TBC1D16: variants seen among roughly 807,000 people sequenced by gnomAD.
TBC1D16 encodes TBC1 domain family member 16, also known as CTD-2529O21.1.
A neutral mutation model predicts 74.7 loss-of-function variants in TBC1D16; 58 were observed. The observed-to-expected ratio is 0.78, with a 90% CI of 0.63 to 0.97. TBC1D16 has a LOEUF of 0.97. TBC1D16 is among the 50% of genes least tolerant of loss of function. The probability of loss-of-function intolerance (pLI) is 0.00; values close to 1 mark genes in which losing one functional copy is unlikely to be tolerated. For missense variants in TBC1D16, 1,014 were observed against 1,079.5 expected (o/e 0.94, Z 0.85); for synonymous variants, 493 against 474.7 (o/e 1.04, Z -0.50).
At chr17:80,021,277 C>T (rs1265818728) in intron 1 of TBC1D16, among the ~76,000 whole-genome samples, 5 of 147,512 alleles carry the variant, frequency 3.4e-5, no homozygotes, top group Admixed American at 2.0e-4. Context: ...ACAAACAAAC[C>T]AGCCTGGGCA....
intron 1 of TBC1D16, among the ~76,000 whole-genome samples, chr17:80,032,095 C>A (rs1464006987): frequency 1.3e-5 from 2 of 152,216 alleles, no homozygotes; most frequent in African/African-American, 4.8e-5. Flanking sequence ...TATATTGGAG[C>A]ATTGAATTCA....
In TBC1D16 at chr17:79,975,139, ACT is replaced by A. The variant is rs2034277963; in HGVS notation, c.780-22323_780-22322del. ...CCGGAACAATCCGCCAGGCCGCGTC[ACT>A]CCTCACCCTCCAGCAGGGCTTTGGA... On this transcript the variant is annotated intron_variant, in intron 3 of 11. Coordinates refer to ENST00000310924, the MANE Select transcript of TBC1D16 (RefSeq NM_019020.4). This position sits in a 1 kb window ranked among gnomAD's most constrained non-coding sequence, Gnocchi z 4.5. Among the ~76,000 whole-genome samples, 1 of 151,832 alleles carries A rather than the reference ACT, an allele frequency of 6.6e-6. No individual in the cohort carries two copies. Among genetic ancestry groups the A allele is most frequent in the African/African-American group, 2.4e-5 (1 of 41,298 alleles).
In TBC1D16 at chr17:79,933,376, G is replaced by A. The variant is rs1037802866; in HGVS notation, c.*7483C>T. 2 of 152,244 alleles carry A rather than the reference G, an allele frequency of 1.3e-5. No homozygotes were observed. The highest frequency in any genetic ancestry group is 1.5e-5 in the Non-Finnish European group (1 of 68,064). 9.4% of individuals were successfully genotyped at this position (152,244 alleles called of 1,614,324 possible). ...CCTGAGTCCCAGCCAAAGCGGCAAA[G>A]CCAGACCTCCCGGGATTCCTTGAGT... On this transcript the variant is annotated 3_prime_UTR_variant, in exon 12 of 12. Coordinates refer to ENST00000310924, the MANE Select transcript of TBC1D16 (RefSeq NM_019020.4).
chr17:80,011,774 C>G (rs950371263), intron 2 of TBC1D16, among the ~76,000 whole-genome samples: 1 of 150,654 alleles, frequency 6.6e-6, no homozygotes, highest in African/African-American at 2.4e-5. Context: ...TGCAGTGAGC[C>G]GAGATTGCAC....
Position 80,027,195 on chromosome 17 carries a change from C to A in TBC1D16, c.-63+8600G>T, listed in dbSNP as rs1028269771. Among the ~76,000 whole-genome samples, 3 of 152,216 alleles carry A rather than the reference C, an allele frequency of 2.0e-5. 1 individual carries two copies. The highest frequency in any genetic ancestry group is 4.1e-4 in the South Asian group (2 of 4,830). The stretch of plus-strand genomic sequence containing the variant: ...AAGCTGAGGAGGCTGGGCACGGTAG[C>A]TCATGTCTGCAATCCTAACAGTTTC... On this transcript the variant is annotated intron_variant, in intron 1 of 11. Transcript: ENST00000310924.
intron 3 of TBC1D16, 35 bp from the exon 4 acceptor site, chr17:79,952,853 T>C (rs2033147268): frequency 6.3e-7 from 1 of 1,577,534 alleles, no homozygotes; most frequent in East Asian, 2.3e-5. Flanking sequence ...TCGCCACACT[T>C]CTCCCTGCCC....
In TBC1D16 at chr17:79,941,106, G is replaced by T; in HGVS notation, c.2057C>A (p.Ala686Glu). The T allele has an allele frequency of 6.4e-7, 1 of 1,569,298 alleles. No homozygotes were observed. The highest frequency in any genetic ancestry group is 8.7e-7 in the Non-Finnish European group (1 of 1,153,458). Residue 686 changes from alanine (A) to glutamate (E), a missense_variant and splice_region_variant, in exon 12 of 12, where the codon GCG (alanine) becomes GAG (glutamate). Physicochemically the swap from Ala to Glu is moderately radical, Grantham distance 107. Transcript: ENST00000310924. This position sits in a 1 kb window ranked among gnomAD's most constrained non-coding sequence, Gnocchi z 4.3. ...GCGGAACTGGTACAGCAAACTCCTC[G>T]CCTGCAGACAGAGGACGGGGGGTGA... ...HMNGELVLRK[A>E]RSLLYQFRLL...
intron 1 of TBC1D16, among the ~76,000 whole-genome samples, chr17:80,024,661 CAT>C (rs2036479606): frequency 6.8e-6 from 1 of 146,270 alleles, no homozygotes; most frequent in South Asian, 2.2e-4. Flanking sequence ...ACATACACAC[CAT>C]AGACACACAG....
At chr17:79,976,179 C>A (rs1255290630) in intron 3 of TBC1D16, among the ~76,000 whole-genome samples, 1 of 152,218 alleles carries the variant, frequency 6.6e-6, no homozygotes. Context: ...AAAGCTTATG[C>A]AAGAGCCCTG....
In TBC1D16 at chr17:80,013,416, G is replaced by A. The variant is rs2144689288; in HGVS notation, c.132C>T (p.Val44=). The A allele has an allele frequency of 1.2e-6, 2 of 1,608,888 alleles. No homozygotes were observed. The highest frequency in any genetic ancestry group is 1.7e-6 in the Non-Finnish European group (2 of 1,178,078). ...DGEIIYSKNN[V]CVHPPEGLQG... ...GCAGCCCCTCCGGCGGGTGCACGCA[G>A]ACATTGTTCTTGGAGTAGATGATCT... is the stretch of plus-strand genomic sequence containing the variant. The change falls in exon 2 of 12, where the codon GTC becomes GTT. Residue 44 remains valine (V), a synonymous_variant. Coordinates refer to ENST00000310924, the MANE Select transcript of TBC1D16 (RefSeq NM_019020.4).
Position 79,936,903 on chromosome 17 carries a change from C to CGTGT in TBC1D16, c.*3955_*3956insACAC, listed in dbSNP as rs1568557115. On this transcript the variant is annotated 3_prime_UTR_variant, in exon 12 of 12. Transcript: ENST00000310924. Reference sequence around the variant, plus strand: ...GTGTGTGTGCATGCGTGCGTGTGTGCATGTGCGTGTGTGTGTGTGTGTGTG... The same window carrying CGTGT: ...GTGTGTGTGCATGCGTGCGTGTGTGCGTGTATGTGCGTGTGTGTGTGTGTGTGTG... 1 of 92,058 alleles carries CGTGT rather than the reference C, an allele frequency of 1.1e-5. No individual in the cohort carries two copies. Among genetic ancestry groups the CGTGT allele is most frequent in the African/African-American group, 4.6e-5 (1 of 21,932 alleles). 5.7% of individuals were successfully genotyped at this position (92,058 alleles called of 1,614,324 possible). A position where few individuals can be genotyped will look rare whatever the true frequency, so the allele number is the denominator to read the frequency against.
chr17:79,974,138 C>G (rs1243633728), intron 3 of TBC1D16, among the ~76,000 whole-genome samples: 1 of 152,226 alleles, frequency 6.6e-6, no homozygotes. Flanking sequence ...ACCCAGACAG[C>G]TGGCGGGATG....
In TBC1D16 at chr17:79,980,181, G is replaced by A. The variant is rs1269800256; in HGVS notation, c.780-27363C>T. 1.3e-5 allele frequency among the ~76,000 whole-genome samples: 2 copies of A among 152,150 alleles called. No homozygotes were observed. The highest frequency in any genetic ancestry group is 2.9e-5 in the Non-Finnish European group (2 of 68,026). ...GGTGGCTTCCCAACTTTTCCGTGAC[G>A]TTCCCCTAGGCAATTTAAAAATGGA... On this transcript the variant is annotated intron_variant, in intron 3 of 11. Coordinates refer to ENST00000310924, the MANE Select transcript of TBC1D16 (RefSeq NM_019020.4). This position sits in a 1 kb window ranked among gnomAD's most constrained non-coding sequence, Gnocchi z 7.0.
At chr17:79,942,533 G>A (rs1335579729) in intron 10 of TBC1D16, among the ~76,000 whole-genome samples, 1 of 146,002 alleles carries the variant, frequency 6.8e-6, no homozygotes, top group Non-Finnish European at 1.5e-5. Flanking sequence ...GGTGGGGGTG[G>A]GGGGGTACAA....
At chr17:80,005,249 AT>A (rs891394385) in intron 3 of TBC1D16, among the ~76,000 whole-genome samples, 5 of 151,572 alleles carry the variant, frequency 3.3e-5, no homozygotes, top group South Asian at 2.1e-4. Context: ...CACCCAGCTA[AT>A]TTTTTTTTCT....
intron 1 of TBC1D16, among the ~76,000 whole-genome samples, chr17:80,031,846 C>G (rs2036786665): frequency 6.6e-6 from 1 of 152,180 alleles, no homozygotes. Flanking sequence ...CCTCCTACTT[C>G]TATGCTGTGC....
At chr17:80,014,954 A>G (rs555568151) in intron 1 of TBC1D16, among the ~76,000 whole-genome samples, 16 of 152,276 alleles carry the variant, frequency 1.1e-4, no homozygotes, top group Admixed American at 3.3e-4. Flanking sequence ...GAAACATGTG[A>G]TGACTCTGCC....
At chr17:80,031,171 C>G (rs771856192) in intron 1 of TBC1D16, among the ~76,000 whole-genome samples, 4 of 152,300 alleles carry the variant, frequency 2.6e-5, no homozygotes, top group Middle Eastern at 3.4e-3. Context: ...ACCCAGTCCC[C>G]GGGCAGCAGG....
At chr17:79,977,540 G>A (rs575304447) in intron 3 of TBC1D16, among the ~76,000 whole-genome samples, 2 of 152,388 alleles carry the variant, frequency 1.3e-5, no homozygotes, top group East Asian at 3.9e-4. Context: ...CAGGATGGGG[G>A]TGACGGAGGA....
Sources: allele counts gnomAD v4.1 joint callset (sites outside exome capture counted in the v4.1 genomes callset), GRCh38; gene constraint gnomAD v4.1.1; non-coding constraint Gnocchi (gnomAD v3.1); transcripts MANE v1.5; gene names NCBI Gene and HGNC (gene_info 2026-07-23, HGNC 2026-07-21).